The following ACACB variants were observed in gnomAD, a reference collection of about 807,000 sequenced individuals.
The protein encoded by ACACB is acetyl-CoA carboxylase beta, also known as acetyl-CoA carboxylase 2.
Under a neutral mutation model 278.8 loss-of-function variants are expected in ACACB, and 209 were observed. The observed-to-expected ratio is 0.75, with a 90% CI of 0.67 to 0.84. ACACB has a LOEUF of 0.84. Ranked by LOEUF, ACACB falls within the 40% of genes least tolerant of loss-of-function variation. ACACB has a pLI of 0.00. For missense variants in ACACB, 2,850 were observed against 3,269.0 expected (o/e 0.87, Z 3.13); for synonymous variants, 1,174 against 1,285.6 (o/e 0.91, Z 1.86).
At chr12:109,222,683 A>G (rs2046206860) in intron 25 of ACACB, 63 bp downstream of exon 25, 2 of 1,532,932 alleles carry the variant, frequency 1.3e-6, no homozygotes, top group African/African-American at 1.4e-5. Flanking sequence ...TGTGTCCCCT[A>G]CCGTGCTCAG....
Position 109,231,147 on chromosome 12 carries a change from G to T in ACACB, c.4002-1522G>T, listed in dbSNP as rs1169828358. 3.9e-5 allele frequency among the ~76,000 whole-genome samples: 6 copies of T among 152,056 alleles called. No homozygotes were observed. In the South Asian group the frequency reaches 1.0e-3, roughly 26 times the overall value. On this transcript the variant is annotated intron_variant, in intron 28 of 52. Transcript: ENST00000338432. Reference sequence around the variant, plus strand: ...GACCCAAGGGAAGGTCAGATGAGAAGTTGGCAGGGCTTTGTGCCAGCTGCA... The same window carrying T: ...GACCCAAGGGAAGGTCAGATGAGAATTTGGCAGGGCTTTGTGCCAGCTGCA...
intron 26 of ACACB, among the ~76,000 whole-genome samples, 179 bp from the exon 27 acceptor site, chr12:109,223,636 G>A (rs922352872): frequency 3.9e-5 from 6 of 152,112 alleles, no homozygotes; most frequent in African/African-American, 1.2e-4. Context: ...GTTGGCGCAC[G>A]CTGTAGTCCC....
intron 1 of ACACB, among the ~76,000 whole-genome samples, chr12:109,124,233 TCTC>T (rs1479955569): frequency 1.3e-5 from 2 of 152,124 alleles, no homozygotes; most frequent in Admixed American, 6.6e-5. Context: ...TTCTCTTAAG[TCTC>T]CTCATCTGTA....
chr12:109,114,001 A>G (rs2042357387), upstream of ACACB, among the ~76,000 whole-genome samples: 1 of 151,612 alleles, frequency 6.6e-6, no homozygotes, highest in Non-Finnish European at 1.5e-5. Context: ...TTTTTTTGCG[A>G]TAGAGTCTCA....
intron 32 of ACACB, 22 bp from the exon 33 acceptor site, chr12:109,235,584 G>C: frequency 6.2e-7 from 1 of 1,608,586 alleles, no homozygotes; most frequent in Non-Finnish European, 8.5e-7. Flanking sequence ...TAATTGTCTT[G>C]TGTGTGGATT....
chr12:109,172,867 C>T (rs1185766956), intron 6 of ACACB, among the ~76,000 whole-genome samples: 2 of 152,150 alleles, frequency 1.3e-5, no homozygotes, highest in African/African-American at 4.8e-5. Flanking sequence ...CGCATGAACA[C>T]GAATGTTTAT....
At chr12:109,172,948 A>G (rs1384701009) in intron 6 of ACACB, among the ~76,000 whole-genome samples, 2 of 152,252 alleles carry the variant, frequency 1.3e-5, no homozygotes, top group African/African-American at 4.8e-5. Flanking sequence ...TTGGATAAAG[A>G]AAATGTGGTA....
In ACACB at chr12:109,222,539, G is replaced by C. The variant is rs148241794; in HGVS notation, c.3597G>C (p.Ser1199=). 6.2e-7 allele frequency: 1 copy of C among 1,614,090 alleles called. No homozygotes were observed. The change falls in exon 25 of 53, where the codon TCG becomes TCC. Residue 1199 remains serine, a synonymous_variant. Transcript: ENST00000338432. The part of the protein sequence containing the change: ...DELCGPDPSL[S]DELISILNEL... ...TGTGTGGCCCAGACCCTTCCCTGTC[G>C]GACGAGCTGATCTCCATCCTCAACG...
At chr12:109,148,474 C>G (rs796764679) in intron 2 of ACACB, among the ~76,000 whole-genome samples, 3 of 152,202 alleles carry the variant, frequency 2.0e-5, no homozygotes, top group African/African-American at 7.2e-5. Context: ...GAGATTGCAG[C>G]TGGAATCCTG....
intron 22 of ACACB, among the ~76,000 whole-genome samples, chr12:109,216,041 C>T (rs1565935036): frequency 6.6e-6 from 1 of 151,994 alleles, no homozygotes; most frequent in Non-Finnish European, 1.5e-5. Context: ...TCAAATGATA[C>T]TCACGCCTCA....
At chr12:109,113,554 A>G (rs2042348324), upstream of ACACB, 1 of 152,284 alleles carries the variant, frequency 6.6e-6, no homozygotes, top group Non-Finnish European at 1.5e-5. Flanking sequence ...ATCTACATCC[A>G]GCAGGGGAAG....
intron 4 of ACACB, 54 bp downstream of exon 4, chr12:109,168,088 G>A (rs376649368): frequency 1.2e-5 from 18 of 1,556,304 alleles, no homozygotes; most frequent in South Asian, 2.5e-5. Flanking sequence ...GCCTGCCCTC[G>A]CCTCCTTCCC....
At chr12:109,210,414 T>TATATGTATATACACGCACACAC (rs1349714383) in intron 21 of ACACB, among the ~76,000 whole-genome samples, 1 of 140,210 alleles carries the variant, frequency 7.1e-6, no homozygotes, top group African/African-American at 2.7e-5. Context: ...CGCACACACA[T>TATATGTATATACACGCACACAC]GTGTATATAT....
rs1430159398 is a variant in ACACB, at chr12:109,206,794, C to T, written c.2998C>T (p.Leu1000=). 8 of 1,614,032 alleles carry T rather than the reference C, an allele frequency of 5.0e-6. No homozygotes were observed. The highest frequency in any genetic ancestry group is 6.8e-6 in the Non-Finnish European group (8 of 1,180,030). ...EKLHQVFHSV[L]ENLTNVMSGF... ...ACTGCACCAGGTCTTCCACAGCGTC[C>T]TGGAAAACCTCACCAACGTCATGAG... The change falls in exon 20 of 53, where the codon CTG becomes TTG. Residue 1000 remains leucine (L), a synonymous_variant. Transcript: ENST00000338432.
chr12:109,158,420 G>A (rs966198533), intron 2 of ACACB, among the ~76,000 whole-genome samples: 1 of 149,248 alleles, frequency 6.7e-6, no homozygotes, highest in Non-Finnish European at 1.5e-5. Context: ...GGTGGCTTAT[G>A]TCTATAGTCC....
chr12:109,200,308 C>T (rs2045293515), intron 18 of ACACB, among the ~76,000 whole-genome samples: 2 of 152,030 alleles, frequency 1.3e-5, no homozygotes, highest in South Asian at 2.1e-4. Flanking sequence ...CTCAGCCTTC[C>T]AAGTAGTTGG....
chr12:109,185,755 C>G lies in ACACB; in HGVS notation c.1980+15C>G, dbSNP rs771191785. 6.3e-7 allele frequency: 1 copy of G among 1,599,644 alleles called. No homozygotes were observed. The highest frequency in any genetic ancestry group is 8.5e-7 in the Non-Finnish European group (1 of 1,171,322). Reference sequence around the variant, plus strand: ...ACCCAGACGAGGCAAGTTATGGGGGCCCCTGTGTTTCCACCATCTCAGATC... The same window carrying G: ...ACCCAGACGAGGCAAGTTATGGGGGGCCCTGTGTTTCCACCATCTCAGATC... On this transcript the variant is annotated intron_variant, in intron 12 of 52. Transcript: ENST00000338432.
Position 109,209,232 on chromosome 12 carries a change from A to C in ACACB, c.3128A>C (p.Gln1043Pro). Residue 1043 changes from glutamine (Q) to proline (P), a missense_variant, in exon 21 of 53, where the codon CAG becomes CCG. Around this residue, in one of 3 missense-constraint regions of ACACB, gnomAD observed 2,265 missense variants for 2,561.3 expected, o/e 0.88. Transcript: ENST00000338432. ...RHPSLPLLEL[Q>P]EIMTSVAGRI... Reference sequence around the variant, plus strand: ...CCGTCACTGCCGCTGCTGGAGCTGCAGGAGATCATGACCAGCGTGGCAGGC... The same window carrying C: ...CCGTCACTGCCGCTGCTGGAGCTGCCGGAGATCATGACCAGCGTGGCAGGC... The C allele has an allele frequency of 6.2e-7, 1 of 1,611,224 alleles. No homozygotes were observed. Among genetic ancestry groups the C allele is most frequent in the Non-Finnish European group, 8.5e-7 (1 of 1,179,420 alleles).
chr12:109,206,323 A>G (rs139254140), intron 19 of ACACB, among the ~76,000 whole-genome samples: 317 of 151,266 alleles, frequency 2.1e-3, no homozygotes, highest in Non-Finnish European at 3.4e-3. Flanking sequence ...AGTCCCAGCT[A>G]CTCGGGAGAC....
Sources: gnomAD v4.1 joint callset for allele counts (sites outside exome capture counted in the v4.1 genomes callset) on GRCh38, gnomAD v4.1.1 for gene constraint, gnomAD v4.1.1 regional missense constraint, MANE v1.5 for transcripts, NCBI Gene and HGNC (gene_info 2026-07-23, HGNC 2026-07-21) for gene names.